The following PRDM2 variants were observed in gnomAD, a reference collection of about 807,000 sequenced individuals.
The protein encoded by PRDM2 is PR domain zinc finger protein 2.
PRDM2 carries 30 observed loss-of-function variants against 130.0 expected under a neutral mutation model. The observed-to-expected ratio is 0.23, with a 90% CI of 0.17 to 0.31. The LOEUF (loss-of-function observed/expected upper bound fraction) is 0.31, where lower values mean the gene tolerates loss of function less well. Among genes scored for constraint, PRDM2 ranks in the 10% least tolerant of loss-of-function variants. PRDM2 has a pLI of 1.00. For missense variants in PRDM2, 2,011 were observed against 2,108.4 expected (o/e 0.95, Z 0.90); for synonymous variants, 871 against 782.4 (o/e 1.11, Z -1.89).
intron 9 of PRDM2, among the ~76,000 whole-genome samples, chr1:13,822,819 T>C (rs527712105): frequency 6.6e-6 from 1 of 152,258 alleles, no homozygotes; most frequent in South Asian, 2.1e-4. Flanking sequence ...AGATTACTGA[T>C]TGACCCTATT....
intron 4 of PRDM2, among the ~76,000 whole-genome samples, chr1:13,736,229 C>G (rs1421638318): frequency 1.3e-5 from 2 of 151,934 alleles, no homozygotes; most frequent in African/African-American, 2.4e-5. Flanking sequence ...CTGCCTCAGC[C>G]TCCCGAGTAG....
At chr1:13,809,185 C>T (rs867149944) in intron 8 of PRDM2, among the ~76,000 whole-genome samples, 1 of 152,294 alleles carries the variant, frequency 6.6e-6, no homozygotes. Context: ...ACTTGGACTG[C>T]GTCCTGGGAG....
At chr1:13,712,599 A>G (rs985051030) in intron 1 of PRDM2, among the ~76,000 whole-genome samples, 4 of 152,110 alleles carry the variant, frequency 2.6e-5, no homozygotes, top group African/African-American at 9.7e-5. Context: ...TACTAAAAAT[A>G]CAAAAATATT....
At position 13,781,411 on chromosome 1, in the gene PRDM2, T is replaced by G. The variant is rs1166545123; in HGVS notation, c.3616T>G (p.Leu1206Val). The change falls in exon 8 of 10, where the codon TTG becomes GTG. Residue 1206 changes from leucine (L) to valine (V), a missense_variant. Leu to Val is a conservative substitution (Grantham distance 32). Coordinates refer to ENST00000311066, the MANE Select transcript of PRDM2 (RefSeq NM_001393986.1). This position sits in a 1 kb window ranked among gnomAD's most constrained non-coding sequence, Gnocchi z 6.1. ...AAAAGAATTTGCTTTTTTGTGCAAT[T>G]TGCAGCAGCACCAGCGAGATCTCCA... ...CKKEFAFLCNLQQHQRDLHPD... is the reference protein window; with the variant it reads ...CKKEFAFLCNVQQHQRDLHPD... 6.2e-7 allele frequency: 1 copy of G among 1,613,704 alleles called. No individual in the cohort carries two copies. Among genetic ancestry groups the G allele is most frequent in the Non-Finnish European group, 8.5e-7 (1 of 1,179,852 alleles).
intron 8 of PRDM2, among the ~76,000 whole-genome samples, chr1:13,794,395 AC>A (rs1002460531): frequency 1.3e-5 from 2 of 152,164 alleles, no homozygotes; most frequent in African/African-American, 2.4e-5. Flanking sequence ...TGAGAGTTCT[AC>A]CCAGGCAGGA....
intron 4 of PRDM2, among the ~76,000 whole-genome samples, chr1:13,739,149 C>T (rs560277967): frequency 1.3e-3 from 197 of 152,118 alleles, no homozygotes; most frequent in African/African-American, 4.7e-3. Context: ...CGTGTTCACG[C>T]CATTCTCCTG....
At chr1:13,757,468 A>G (rs1643984676) in intron 6 of PRDM2, among the ~76,000 whole-genome samples, 1 of 152,172 alleles carries the variant, frequency 6.6e-6, no homozygotes, top group Admixed American at 6.5e-5. Flanking sequence ...ATTTTGTCTT[A>G]TTGATGAGAA....
In PRDM2 at chr1:13,732,821, G is replaced by C. The variant is rs1189009843; in HGVS notation, c.170G>C (p.Gly57Ala). 1.9e-6 allele frequency: 3 copies of C among 1,608,394 alleles called. No homozygotes were observed. The highest frequency in any genetic ancestry group is 2.5e-6 in the Non-Finnish European group (3 of 1,177,838). The change falls in exon 4 of 10, where the codon GGG becomes GCG. Residue 57 changes from glycine to alanine, a missense_variant. Physicochemically the swap from Gly to Ala is moderately conservative, Grantham distance 60. Around this residue, in one of 5 missense-constraint regions of PRDM2, gnomAD observed 79 missense variants for 93.6 expected, o/e 0.84. Coordinates refer to ENST00000311066, the MANE Select transcript of PRDM2 (RefSeq NM_001393986.1). ...CCAATTTTAAAAGGCAAAAAATTTG[G>C]GCCATTTGTTGGTGATAAGAAAAAA... ...TKPILKGKKF[G>A]PFVGDKKKRS...
chr1:13,763,122 G>C (rs1387792847), intron 6 of PRDM2, among the ~76,000 whole-genome samples: 1 of 152,284 alleles, frequency 6.6e-6, no homozygotes, highest in East Asian at 1.9e-4. Flanking sequence ...GCAAAATAAA[G>C]GCTGAGGTAA....
intron 6 of PRDM2, among the ~76,000 whole-genome samples, chr1:13,751,010 T>C (rs928993468): frequency 5.9e-5 from 9 of 152,232 alleles, no homozygotes; most frequent in Admixed American, 5.9e-4. Context: ...ACTCCTGTAC[T>C]TAAATAGATT....
chr1:13,719,264 A>AAAAGAAAATTCC, intron 2 of PRDM2, among the ~76,000 whole-genome samples: 1 of 152,326 alleles, frequency 6.6e-6, no homozygotes, highest in East Asian at 1.9e-4. Context: ...AAGATCTGGA[A>AAAAGAAAATTCC]AAAGAAAATT....
At chr1:13,748,523 C>T (rs1643686076) in intron 5 of PRDM2, among the ~76,000 whole-genome samples, 1 of 152,108 alleles carries the variant, frequency 6.6e-6, no homozygotes, top group Non-Finnish European at 1.5e-5. Flanking sequence ...TGTATTGATA[C>T]CCTTGTAACT....
chr1:13,782,015 T>C lies in PRDM2; in HGVS notation c.4220T>C (p.Val1407Ala). 6.2e-7 allele frequency: 1 copy of C among 1,614,130 alleles called. No individual in the cohort carries two copies. The highest frequency in any genetic ancestry group is 2.2e-5 in the East Asian group (1 of 44,876). ...CAGCCCAAAAGGCTTAACTTTAGTG[T>C]TGAGCTCAGCAAAATGTCGTCGAAT... is the stretch of plus-strand genomic sequence containing the variant. ...MGQPKRLNFS[V>A]ELSKMSSNKL... The change falls in exon 8 of 10, where the codon GTT becomes GCT. Residue 1407 changes from valine (V) to alanine (A), a missense_variant. Val to Ala is a moderately conservative substitution (Grantham distance 64). Around this residue, in one of 5 missense-constraint regions of PRDM2, gnomAD observed 410 missense variants for 395.9 expected, o/e 1.04. Transcript: ENST00000311066.
At chr1:13,736,202 G>T (rs189044921) in intron 4 of PRDM2, among the ~76,000 whole-genome samples, 103 of 149,938 alleles carry the variant, frequency 6.9e-4, no homozygotes, top group Non-Finnish European at 1.3e-3. Context: ...TCTGCCTCCT[G>T]GGCCCAAGTG....
chr1:13,767,893 C>T (rs1433677645), intron 6 of PRDM2, among the ~76,000 whole-genome samples: 3 of 151,964 alleles, frequency 2.0e-5, no homozygotes, highest in Non-Finnish European at 2.9e-5. Context: ...GAGGGATCAC[C>T]TGAGCCCAGG....
intron 2 of PRDM2, chr1:13,722,982 G>A (rs768428389): frequency 2.6e-5 from 10 of 389,274 alleles, no homozygotes; most frequent in East Asian, 7.7e-5. Flanking sequence ...TCATCCCACC[G>A]CTCTCTGAAT....
rs558964890 is a variant in PRDM2 at position 13,736,900 on chromosome 1, T to C, written c.231+4018T>C. 4.6e-4 allele frequency among the ~76,000 whole-genome samples: 70 copies of C among 152,384 alleles called. 1 individual carries two copies. Among genetic ancestry groups the C allele is most frequent in the African/African-American group, 1.5e-3 (61 of 41,580 alleles). ...AGGTCAGGAGAATAGAGGGAAGAAG[T>C]AGAATTGCATGTCAGTTAAAATTGA... is the stretch of plus-strand genomic sequence containing the variant. On this transcript the variant is annotated intron_variant, in intron 4 of 9. Transcript: ENST00000311066.
intron 6 of PRDM2, among the ~76,000 whole-genome samples, chr1:13,760,199 T>G (rs1319303887): frequency 3.7e-4 from 57 of 152,312 alleles, no homozygotes; most frequent in Non-Finnish European, 7.4e-5. Context: ...TGTCTGACCC[T>G]TTTAAGTTTT....
At chr1:13,729,711 GA>G (rs919876817) in intron 2 of PRDM2, among the ~76,000 whole-genome samples, 2 of 152,114 alleles carry the variant, frequency 1.3e-5, no homozygotes, top group African/African-American at 4.8e-5. Context: ...ATATTGTTGG[GA>G]CAAAGGTGTA....
Sources: allele counts gnomAD v4.1 joint callset (sites outside exome capture counted in the v4.1 genomes callset), GRCh38; gene constraint gnomAD v4.1.1; regional missense constraint gnomAD v4.1.1; non-coding constraint Gnocchi (gnomAD v3.1); transcripts MANE v1.5; gene names NCBI Gene and HGNC (gene_info 2026-07-23, HGNC 2026-07-21).